GRM8: variants seen among roughly 807,000 people sequenced by gnomAD.
GRM8 encodes the protein metabotropic glutamate receptor 8.
In GRM8, 47 loss-of-function variants were observed where a neutral mutation model predicts 87.2. That is an observed-to-expected ratio of 0.54 (90% CI 0.43 to 0.69). GRM8 has a LOEUF of 0.69. Ranked by LOEUF, GRM8 falls within the 30% of genes least tolerant of loss-of-function variation. GRM8 has a pLI of 0.00. For missense variants in GRM8, 1,019 were observed against 1,139.2 expected, an observed-to-expected ratio of 0.89 and a Z score of 1.52; for synonymous variants, 396 against 404.5, an observed-to-expected ratio of 0.98 and a Z score of 0.25.
chr7:126,504,351 A>C (rs567160275), intron 9 of GRM8, among the ~76,000 whole-genome samples: 18 of 152,186 alleles, frequency 1.2e-4, no homozygotes, highest in African/African-American at 4.1e-4. Flanking sequence ...TCAGTGTTTC[A>C]TCTGTTATTA....
intron 7 of GRM8, among the ~76,000 whole-genome samples, chr7:126,721,869 G>A (rs772444478): frequency 2.6e-5 from 4 of 151,952 alleles, no homozygotes; most frequent in Non-Finnish European, 5.9e-5. Flanking sequence ...ACCTCATTTT[G>A]TAGACCCTCT....
At chr7:126,454,377 G>A (rs1471497608) in intron 9 of GRM8, among the ~76,000 whole-genome samples, 1 of 151,730 alleles carries the variant, frequency 6.6e-6, no homozygotes, top group Non-Finnish European at 1.5e-5. Context: ...TTCAACTGTA[G>A]TTTTGCGAAA....
At chr7:126,956,061 T>C (rs1351327537) in intron 3 of GRM8, among the ~76,000 whole-genome samples, 1 of 152,140 alleles carries the variant, frequency 6.6e-6, no homozygotes. Context: ...ATTTGACGTG[T>C]CCAACAGAGA....
intron 7 of GRM8, among the ~76,000 whole-genome samples, chr7:126,734,916 AG>A (rs1293408108): frequency 6.6e-6 from 1 of 152,086 alleles, no homozygotes; most frequent in Admixed American, 6.6e-5. Context: ...TTTGGTAGTC[AG>A]TAATCAAGGG....
At chr7:127,013,971 A>G (rs1815147911) in intron 3 of GRM8, among the ~76,000 whole-genome samples, 1 of 152,192 alleles carries the variant, frequency 6.6e-6, no homozygotes, top group South Asian at 2.1e-4. Context: ...CCCATCTCAT[A>G]AGGTGGCTGA....
chr7:127,149,641 G>T (rs1483883791), intron 2 of GRM8, among the ~76,000 whole-genome samples: 1 of 152,044 alleles, frequency 6.6e-6, no homozygotes, highest in Non-Finnish European at 1.5e-5. Flanking sequence ...ATTCCCAACA[G>T]CCAAGACAGG....
intron 2 of GRM8, among the ~76,000 whole-genome samples, chr7:127,184,194 ATTAC>A (rs1192485898): frequency 6.6e-6 from 1 of 151,940 alleles, no homozygotes; most frequent in East Asian, 1.9e-4. Context: ...AAATAAGAAT[ATTAC>A]AAGAAAGGAA....
intron 3 of GRM8, among the ~76,000 whole-genome samples, chr7:127,088,149 G>C (rs759620190): frequency 6.6e-6 from 1 of 152,228 alleles, no homozygotes; most frequent in Non-Finnish European, 1.5e-5. Context: ...CTAGTGGTCA[G>C]AGTGACCCAT....
intron 3 of GRM8, among the ~76,000 whole-genome samples, chr7:127,059,152 G>A (rs1006464951): frequency 3.9e-5 from 6 of 151,972 alleles, no homozygotes; most frequent in Non-Finnish European, 7.4e-5. Context: ...GATCCTATAG[G>A]GGAGAGAACA....
chr7:126,831,987 T>C (rs1177840083), intron 6 of GRM8, among the ~76,000 whole-genome samples: 1 of 152,176 alleles, frequency 6.6e-6, no homozygotes, highest in Non-Finnish European at 1.5e-5. Flanking sequence ...ATTTTCATTT[T>C]CAAGTGTGAA....
At chr7:126,966,777 T>C (rs1809913369) in intron 3 of GRM8, among the ~76,000 whole-genome samples, 1 of 152,140 alleles carries the variant, frequency 6.6e-6, no homozygotes, top group Admixed American at 6.5e-5. Flanking sequence ...CTCAACTCGC[T>C]CCTAGATGTT....
At chr7:127,064,361 C>T (rs1586895962) in intron 3 of GRM8, among the ~76,000 whole-genome samples, 1 of 152,122 alleles carries the variant, frequency 6.6e-6, no homozygotes, top group African/African-American at 2.4e-5. Context: ...GAACCCTTTA[C>T]CATTTTGTAA....
intron 7 of GRM8, among the ~76,000 whole-genome samples, chr7:126,764,205 T>C (rs192885633): frequency 2.0e-5 from 3 of 152,122 alleles, no homozygotes; most frequent in East Asian, 1.9e-4. Flanking sequence ...TTAAAACTGA[T>C]AGAATATTAA....
At position 126,691,871 on chromosome 7, in the gene GRM8, T is replaced by C. The variant is rs928503318; in HGVS notation, c.1357+77994A>G. Among the ~76,000 whole-genome samples the C allele has an allele frequency of 2.6e-5, 4 of 152,156 alleles. No homozygotes were observed. The East Asian group carries it at 7.7e-4, about 29-fold the overall frequency. ...TGCTCACTCAAGGAATTCTACTCAG[T>C]GAGAATTTAATCCTGGTAGACTACC... On this transcript the variant is annotated intron_variant, in intron 7 of 10. Transcript: ENST00000339582.
chr7:126,579,185 A>T (rs188536954), intron 8 of GRM8, among the ~76,000 whole-genome samples: 2 of 152,344 alleles, frequency 1.3e-5, no homozygotes, highest in East Asian at 3.9e-4. Flanking sequence ...AAATCCAATT[A>T]GGACTAAATT....
At chr7:126,514,834 G>C (rs2150761370) in intron 9 of GRM8, among the ~76,000 whole-genome samples, 1 of 152,020 alleles carries the variant, frequency 6.6e-6, no homozygotes, top group Admixed American at 6.6e-5. Context: ...TAATATTTCT[G>C]TATCAACCAA....
intron 2 of GRM8, among the ~76,000 whole-genome samples, chr7:127,183,723 C>T (rs1360791821): frequency 1.3e-5 from 2 of 151,424 alleles, no homozygotes; most frequent in Non-Finnish European, 3.0e-5. Context: ...AAACAATAGA[C>T]AAAAATCAAT....
At chr7:126,886,025 C>T (rs911580888) in intron 6 of GRM8, among the ~76,000 whole-genome samples, 1 of 152,068 alleles carries the variant, frequency 6.6e-6, no homozygotes, top group Non-Finnish European at 1.5e-5. Context: ...TAATTTTCAT[C>T]ACAACCACAG....
At chr7:126,753,788 G>T (rs1008782612) in intron 7 of GRM8, among the ~76,000 whole-genome samples, 1 of 151,696 alleles carries the variant, frequency 6.6e-6, no homozygotes, top group African/African-American at 2.4e-5. Context: ...TACAAAATAG[G>T]CAGGCAGTTT....
Sources: gnomAD v4.1 joint callset for allele counts (sites outside exome capture counted in the v4.1 genomes callset) on GRCh38, gnomAD v4.1.1 for gene constraint, MANE v1.5 for transcripts, NCBI Gene and HGNC (gene_info 2026-07-23, HGNC 2026-07-21) for gene names.